CCDC25: variants seen among roughly 807,000 people sequenced by gnomAD.
CCDC25 encodes the protein coiled-coil domain-containing protein 25.
CCDC25 carries 16 observed loss-of-function variants against 35.3 expected under a neutral mutation model. The ratio of observed to expected loss-of-function variants is 0.45; its 90% CI spans 0.31 to 0.69. CCDC25 has a LOEUF of 0.69. Ranked by LOEUF, CCDC25 falls within the 30% of genes least tolerant of loss-of-function variation. CCDC25 has a pLI of 0.06. For missense variants in CCDC25, 179 were observed against 250.7 expected (o/e 0.71, Z 1.93); for synonymous variants, 79 against 80.3 (o/e 0.98, Z 0.09).
chr8:27,763,940 A>C (rs1029136074), intron 2 of CCDC25, among the ~76,000 whole-genome samples: 21 of 152,200 alleles, frequency 1.4e-4, no homozygotes, highest in Non-Finnish European at 1.5e-5. Flanking sequence ...GCAAATAGCC[A>C]AAAGGTAAGC....
Position 27,739,745 on chromosome 8 carries a change from A to AT in CCDC25, c.597+726dup, listed in dbSNP as rs545046900. Among the ~76,000 whole-genome samples, 182 of 152,286 alleles carry AT rather than the reference A, an allele frequency of 1.2e-3. 1 individual carries two copies. The highest frequency in any genetic ancestry group is 4.0e-3 in the African/African-American group (166 of 41,564). On this transcript the variant is annotated intron_variant, in intron 8 of 8. Transcript: ENST00000356537. ...CCCCCATGAATACTGAAGGATGACT[A>AT]TATTTTTAAACTATACTATAAAACA...
At chr8:27,742,638 G>A (rs2128937086) in intron 7 of CCDC25, among the ~76,000 whole-genome samples, 1 of 152,362 alleles carries the variant, frequency 6.6e-6, no homozygotes, top group African/African-American at 2.4e-5. Flanking sequence ...GCCAAGGCAG[G>A]CGGATCACTT....
chr8:27,769,743 T>C (rs1284867646), intron 1 of CCDC25, among the ~76,000 whole-genome samples: 4 of 152,024 alleles, frequency 2.6e-5, no homozygotes, highest in Non-Finnish European at 5.9e-5. Flanking sequence ...GGTGGAAGAG[T>C]AGGGTCTGTG....
chr8:27,743,680 G>A (rs959165847), intron 7 of CCDC25, among the ~76,000 whole-genome samples: 12 of 152,212 alleles, frequency 7.9e-5, no homozygotes, highest in Non-Finnish European at 1.5e-4. Context: ...GATCACTTGA[G>A]CTCAGGGGTT....
At position 27,736,592 on chromosome 8, in the gene CCDC25, C is replaced by T. The variant is rs1168824958; in HGVS notation, c.598-347G>A. 2.0e-5 allele frequency among the ~76,000 whole-genome samples: 3 copies of T among 152,180 alleles called. No individual in the cohort carries two copies. In the East Asian group the frequency reaches 5.8e-4, roughly 29 times the overall value. On this transcript the variant is annotated intron_variant, in intron 8 of 8. Coordinates refer to ENST00000356537, the MANE Select transcript of CCDC25 (RefSeq NM_018246.3). ...TCCTTCAACAAATGTACCAAGCAAACACTGCCTCAATGTCCTCATGCCAAC... is the reference window on the plus strand; with the variant it reads ...TCCTTCAACAAATGTACCAAGCAAATACTGCCTCAATGTCCTCATGCCAAC...
chr8:27,742,673 T>G (rs1803478303), intron 7 of CCDC25, among the ~76,000 whole-genome samples: 1 of 152,238 alleles, frequency 6.6e-6, no homozygotes, highest in Non-Finnish European at 1.5e-5. Context: ...GAGGCCAGCC[T>G]GGCCAACATG....
At chr8:27,752,664 G>GC in intron 4 of CCDC25, 77 bp from the exon 5 acceptor site, 2 of 1,061,804 alleles carry the variant, frequency 1.9e-6, no homozygotes, top group South Asian at 2.6e-5. Context: ...GGCATTTGCT[G>GC]CCTTACCTAC....
intron 8 of CCDC25, 67 bp downstream of exon 8, chr8:27,740,405 C>A (rs563832920): frequency 6.8e-7 from 1 of 1,477,922 alleles, no homozygotes; most frequent in Non-Finnish European, 9.3e-7. Flanking sequence ...TGGCCAGTAA[C>A]ACAATTATTA....
Position 27,772,570 on chromosome 8 carries a change from G to A in CCDC25, c.-30C>T. ...CCGGGAGCGGTGCGGTGACTCCACC[G>A]CGGAGCAGCAGCGCTCAACTCACGA... On this transcript the variant is annotated 5_prime_UTR_variant, in exon 1 of 9. Coordinates refer to ENST00000356537, the MANE Select transcript of CCDC25 (RefSeq NM_018246.3). 6.5e-7 allele frequency: 1 copy of A among 1,547,852 alleles called. No individual in the cohort carries two copies. The highest frequency in any genetic ancestry group is 8.7e-7 in the Non-Finnish European group (1 of 1,145,746).
chr8:27,739,519 T>G (rs773714041), intron 8 of CCDC25, among the ~76,000 whole-genome samples: 1 of 151,818 alleles, frequency 6.6e-6, no homozygotes, highest in African/African-American at 2.4e-5. Context: ...ATTAAAAAAA[T>G]ACAATAAAAA....
intron 2 of CCDC25, among the ~76,000 whole-genome samples, chr8:27,763,972 A>T (rs1275912137): frequency 2.6e-5 from 4 of 152,174 alleles, no homozygotes; most frequent in Admixed American, 6.5e-5. Flanking sequence ...AGAGAAATTT[A>T]AAAAATCTCT....
intron 7 of CCDC25, chr8:27,747,790 A>ACAAAC (rs906882956): frequency 2.2e-5 from 8 of 368,958 alleles, no homozygotes; most frequent in African/African-American, 1.5e-4. Flanking sequence ...GAAGAACTTT[A>ACAAAC]CAAACCAAAC....
At chr8:27,771,663 C>T (rs1453575259) in intron 1 of CCDC25, among the ~76,000 whole-genome samples, 1 of 152,170 alleles carries the variant, frequency 6.6e-6, no homozygotes, top group Non-Finnish European at 1.5e-5. Flanking sequence ...CACTCTAGCT[C>T]AAGCAGACAC....
At chr8:27,740,552 T>C in intron 7 of CCDC25, 35 bp from the exon 8 acceptor site, 1 of 1,575,204 alleles carries the variant, frequency 6.3e-7, no homozygotes, top group Non-Finnish European at 8.7e-7. Flanking sequence ...ACATTTAAAA[T>C]ATGGTGATCC....
At chr8:27,753,076 T>C (rs1803872650) in intron 4 of CCDC25, 2 of 152,746 alleles carry the variant, frequency 1.3e-5, no homozygotes, top group South Asian at 2.1e-4. Context: ...AAAGTTATTG[T>C]TGTGTAGATC....
At chr8:27,768,894 C>A (rs1056816097) in intron 1 of CCDC25, among the ~76,000 whole-genome samples, 2 of 141,934 alleles carry the variant, frequency 1.4e-5, no homozygotes, top group African/African-American at 2.6e-5. Flanking sequence ...ATCAGATGGT[C>A]TTAAATGTGA....
intron 6 of CCDC25, 80 bp from the exon 7 acceptor site, chr8:27,748,359 T>C: frequency 7.2e-7 from 1 of 1,396,986 alleles, no homozygotes; most frequent in Non-Finnish European, 1.0e-6. Context: ...TTCCAGGGGT[T>C]TAGCAACCCA....
chr8:27,756,122 C>A (rs1474826531), intron 4 of CCDC25, among the ~76,000 whole-genome samples: 1 of 152,150 alleles, frequency 6.6e-6, no homozygotes, highest in Non-Finnish European at 1.5e-5. Flanking sequence ...TCACTTCTGC[C>A]ACTTTTCTGG....
intron 4 of CCDC25, among the ~76,000 whole-genome samples, chr8:27,753,377 TAATC>T (rs1441133387): frequency 6.6e-6 from 1 of 152,110 alleles, no homozygotes; most frequent in Non-Finnish European, 1.5e-5. Context: ...TGCAGGAAAT[TAATC>T]AGGTAAAAGT....
Sources: gnomAD v4.1 joint callset for allele counts (sites outside exome capture counted in the v4.1 genomes callset) on GRCh38, gnomAD v4.1.1 for gene constraint, MANE v1.5 for transcripts, NCBI Gene and HGNC (gene_info 2026-07-23, HGNC 2026-07-21) for gene names.